The following P3H2 variants were observed in gnomAD, a reference collection of about 807,000 sequenced individuals.
P3H2 encodes the protein prolyl 3-hydroxylase 2.
In P3H2, 80 loss-of-function variants were observed where a neutral mutation model predicts 87.0. The ratio of observed to expected loss-of-function variants is 0.92; its 90% confidence interval spans 0.77 to 1.11. The LOEUF (loss-of-function observed/expected upper bound fraction) is 1.11. P3H2 is among the 50% of genes least tolerant of loss of function. The pLI is 0.00. For synonymous variants in P3H2, 367 were observed against 359.3 expected, an observed-to-expected ratio of 1.02 and a Z score of -0.24; for missense variants, 1,001 against 923.9, an observed-to-expected ratio of 1.08 and a Z score of -1.08.
Position 189,995,397 on chromosome 3 carries a change from C to A in P3H2, c.526G>T (p.Val176Leu). The A allele has an allele frequency of 6.2e-7, 1 of 1,613,722 alleles. No individual in the cohort carries two copies. Among genetic ancestry groups the A allele is most frequent in the Non-Finnish European group, 8.5e-7 (1 of 1,179,974 alleles). The change falls in exon 2 of 15, where the codon GTG (valine) becomes TTG (leucine). Residue 176 changes from valine to leucine, a missense_variant. Coordinates refer to ENST00000319332, the MANE Select transcript of P3H2 (RefSeq NM_018192.4). The stretch of plus-strand genomic sequence containing the variant: ...ATTTCCATGTGCTCAGGGTTAGCCA[C>A]GAAAAATGTGTGAGCTGCTTCCACT... ...KAVEAAHTFF[V>L]ANPEHMEMQQ...
intron 1 of P3H2, among the ~76,000 whole-genome samples, chr3:190,030,171 T>G (rs1725209519): frequency 6.6e-6 from 1 of 152,196 alleles, no homozygotes; most frequent in Non-Finnish European, 1.5e-5. Context: ...TATCTATATA[T>G]TCCATACACA....
chr3:190,077,715 A>G (rs1726915412), intron 1 of P3H2, among the ~76,000 whole-genome samples: 1 of 152,258 alleles, frequency 6.6e-6, no homozygotes, highest in African/African-American at 2.4e-5. Context: ...GGCTATACAG[A>G]TTAATACAGT....
intron 1 of P3H2, among the ~76,000 whole-genome samples, chr3:190,063,340 T>C (rs1726392180): frequency 1.3e-5 from 2 of 152,150 alleles, no homozygotes; most frequent in Non-Finnish European, 2.9e-5. Context: ...TTGTCAGCAT[T>C]CCACAGGCAA....
chr3:189,995,611 A>G (rs1395882577), intron 1 of P3H2, among the ~76,000 whole-genome samples, 169 bp from the exon 2 acceptor site: 1 of 151,948 alleles, frequency 6.6e-6, no homozygotes, highest in Non-Finnish European at 1.5e-5. Flanking sequence ...GGATTATAAC[A>G]AAGTAAAAAA....
intron 1 of P3H2, among the ~76,000 whole-genome samples, chr3:190,115,571 G>C (rs1343055954): frequency 3.3e-5 from 5 of 152,092 alleles, no homozygotes; most frequent in South Asian, 2.1e-4. Flanking sequence ...TTGAAGTATA[G>C]TTTTAAGTAA....
intron 1 of P3H2, among the ~76,000 whole-genome samples, chr3:190,022,482 T>C (rs948929283): frequency 7.4e-6 from 1 of 135,484 alleles, no homozygotes; most frequent in Non-Finnish European, 1.7e-5. Flanking sequence ...AATAATGAAG[T>C]GAAAGTCTCC....
At chr3:190,066,492 G>A (rs180926701) in intron 1 of P3H2, among the ~76,000 whole-genome samples, 1 of 152,122 alleles carries the variant, frequency 6.6e-6, no homozygotes, top group Admixed American at 6.6e-5. Flanking sequence ...AGGGGGTAAG[G>A]ATGGGAAGTA....
intron 1 of P3H2, among the ~76,000 whole-genome samples, chr3:190,047,061 T>C (rs1350245847): frequency 6.6e-6 from 1 of 150,990 alleles, no homozygotes; most frequent in Non-Finnish European, 1.5e-5. Flanking sequence ...AAACAAATAA[T>C]CTGATCTAAA....
intron 1 of P3H2, among the ~76,000 whole-genome samples, chr3:190,001,500 G>A (rs1316706511): frequency 1.3e-5 from 2 of 152,252 alleles, no homozygotes; most frequent in Non-Finnish European, 2.9e-5. Flanking sequence ...GAAGTGCTAT[G>A]GTTTTTGCCT....
intron 1 of P3H2, among the ~76,000 whole-genome samples, chr3:190,039,810 A>T (rs1313417742): frequency 6.6e-6 from 1 of 152,196 alleles, no homozygotes; most frequent in African/African-American, 2.4e-5. Context: ...GTAAGGGGAG[A>T]AAATGAGATT....
At chr3:190,077,779 C>A (rs1026743015) in intron 1 of P3H2, among the ~76,000 whole-genome samples, 1 of 152,138 alleles carries the variant, frequency 6.6e-6, no homozygotes, top group African/African-American at 2.4e-5. Context: ...GGAAGAGATG[C>A]AACTACGCAA....
intron 1 of P3H2, among the ~76,000 whole-genome samples, chr3:190,022,819 AATATAT>A (rs374270168): frequency 6.6e-6 from 1 of 151,442 alleles, no homozygotes; most frequent in Non-Finnish European, 1.5e-5. Context: ...CAGGGCAAAA[AATATAT>A]ATATATATTT....
chr3:190,041,070 ACACACACACACTCTCT>A lies in P3H2; in HGVS notation c.481-45644_481-45629del, dbSNP rs1725604297. Among the ~76,000 whole-genome samples the A allele has an allele frequency of 1.3e-4, 6 of 46,774 alleles. No homozygotes were observed. The East Asian group carries it at 2.5e-3, about 20-fold the overall frequency. The allele number at this position is 46,774 out of a possible 152,430, so 30.7% of individuals were successfully genotyped here. A position where few individuals can be genotyped will look rare whatever the true frequency, so the allele number is the denominator to read the frequency against. ...CACACACACACACACACACACACAC[ACACACACACACTCTCT>A]CTCTCTATATATATATATATACTAT... On this transcript the variant is annotated intron_variant, in intron 1 of 14. Coordinates refer to ENST00000319332, the MANE Select transcript of P3H2 (RefSeq NM_018192.4).
intron 1 of P3H2, among the ~76,000 whole-genome samples, chr3:190,033,895 T>G (rs1457215520): frequency 1.3e-5 from 2 of 152,206 alleles, no homozygotes; most frequent in African/African-American, 4.8e-5. Flanking sequence ...TTTCAACAAT[T>G]TTGTTATTTT....
chr3:189,987,268 A>T (rs1327362004), intron 5 of P3H2, among the ~76,000 whole-genome samples: 1 of 152,092 alleles, frequency 6.6e-6, no homozygotes, highest in African/African-American at 2.4e-5. Context: ...TGAGGTCGGG[A>T]GTTCGAGACC....
At chr3:190,121,643 A>T (rs898019635), upstream of P3H2, 3 of 152,314 alleles carry the variant, frequency 2.0e-5, no homozygotes, top group Admixed American at 2.0e-4. Flanking sequence ...CCGTGGTTTT[A>T]CAGGGCCCAG....
intron 1 of P3H2, among the ~76,000 whole-genome samples, chr3:190,086,194 T>TA (rs544001848): frequency 5.0e-4 from 76 of 152,324 alleles, no homozygotes; most frequent in Middle Eastern, 3.4e-3. Flanking sequence ...TGTCTTTTTT[T>TA]ATTCCCCAAA....
chr3:189,970,812 T>C lies in P3H2; in HGVS notation c.1893+4A>G, dbSNP rs751208620. On this transcript the variant is annotated splice_donor_region_variant and intron_variant, in intron 13 of 14. Transcript: ENST00000319332. ...AATAAGTATTCAAGAATAGGTTTAC[T>C]TACAGTCACAGTCTTAGCATCCATC... 6 of 1,548,594 alleles carry C rather than the reference T, an allele frequency of 3.9e-6. No homozygotes were observed. Among genetic ancestry groups the C allele is most frequent in the Non-Finnish European group, 5.4e-6 (6 of 1,120,814 alleles).
intron 13 of P3H2, among the ~76,000 whole-genome samples, chr3:189,967,765 T>C (rs1402713529): frequency 6.6e-6 from 1 of 152,138 alleles, no homozygotes; most frequent in Non-Finnish European, 1.5e-5. Flanking sequence ...TGAAGTCACA[T>C]GAAATATTTT....
Sources: gnomAD v4.1 joint callset for allele counts (sites outside exome capture counted in the v4.1 genomes callset) on GRCh38, gnomAD v4.1.1 for gene constraint, MANE v1.5 for transcripts, NCBI Gene and HGNC (gene_info 2026-07-23, HGNC 2026-07-21) for gene names.